CYFIP2: variants seen among roughly 807,000 people sequenced by gnomAD.
CYFIP2 encodes cytoplasmic FMR1-interacting protein 2.
A neutral mutation model predicts 158.7 loss-of-function variants in CYFIP2; 29 were observed. That is an observed-to-expected ratio of 0.18 (90% CI 0.14 to 0.25). The LOEUF is 0.25. Among genes scored for constraint, CYFIP2 ranks in the 10% least tolerant of loss-of-function variants. The probability of loss-of-function intolerance (pLI) is 1.00; values close to 1 mark genes in which losing one functional copy is unlikely to be tolerated. For missense variants in CYFIP2, 852 were observed against 1,639.5 expected (o/e 0.52, Z 8.29); for synonymous variants, 585 against 617.6 (o/e 0.95, Z 0.78).
chr5:157,317,196 A>G (rs1057509083), intron 13 of CYFIP2, among the ~76,000 whole-genome samples: 3 of 152,180 alleles, frequency 2.0e-5, no homozygotes, highest in Non-Finnish European at 4.4e-5. Context: ...ACCACCAAGA[A>G]CATGTCACTC....
At position 157,314,402 on chromosome 5, in the gene CYFIP2, T is replaced by A; in HGVS notation, c.1169T>A (p.Phe390Tyr). Reference sequence around the variant, plus strand: ...TCAGACGAGGAGTATCGCGAGCTCTTCGACCTAGCCCTGCGGGGTCTGCAG... The same window carrying A: ...TCAGACGAGGAGTATCGCGAGCTCTACGACCTAGCCCTGCGGGGTCTGCAG... The part of the protein sequence containing the change: ...QKSDEEYREL[F>Y]DLALRGLQLL... Residue 390 changes from phenylalanine (F) to tyrosine (Y), a missense_variant, in exon 12 of 31, where the codon TTC becomes TAC. Transcript: ENST00000620254. 1 of 1,613,928 alleles carries A rather than the reference T, an allele frequency of 6.2e-7. No homozygotes were observed. The highest frequency in any genetic ancestry group is 2.2e-5 in the East Asian group (1 of 44,880).
intron 1 of CYFIP2, among the ~76,000 whole-genome samples, chr5:157,279,182 C>T (rs547475828): frequency 4.3e-4 from 65 of 152,270 alleles, no homozygotes; most frequent in African/African-American, 1.4e-3. Context: ...TCAAAATAAA[C>T]ATTGAGGACA....
intron 21 of CYFIP2, among the ~76,000 whole-genome samples, chr5:157,337,084 G>C (rs1161520160): frequency 2.6e-5 from 4 of 152,164 alleles, no homozygotes; most frequent in Non-Finnish European, 4.4e-5. Flanking sequence ...CAGTGTGCCA[G>C]GGGACTCAGT....
intron 19 of CYFIP2, 129 bp from the exon 20 acceptor site, chr5:157,330,613 C>A: frequency 1.5e-6 from 1 of 660,912 alleles, no homozygotes; most frequent in Non-Finnish European, 2.5e-6. Flanking sequence ...GAGCAGAAAA[C>A]AATTTTACTT....
rs541980546 is a variant in CYFIP2, at chr5:157,377,167, G to C, written c.3040-5423G>C. The stretch of plus-strand genomic sequence containing the variant: ...CCCAATCCTTTCTCCCTTGCAACCA[G>C]AAGGTGAAACTGCAGCTTGGCCATT... On this transcript the variant is annotated intron_variant, in intron 26 of 30. Transcript: ENST00000620254. Among the ~76,000 whole-genome samples the C allele has an allele frequency of 2.4e-4, 36 of 151,818 alleles. No homozygotes were observed. The South Asian group carries it at 5.8e-3, about 25-fold the overall frequency.
chr5:157,330,521 G>A (rs546031511), intron 19 of CYFIP2, among the ~76,000 whole-genome samples: 82 of 152,326 alleles, frequency 5.4e-4, no homozygotes, highest in African/African-American at 1.9e-3. Context: ...CTCAACTTCT[G>A]TGTTGCCCAT....
chr5:157,323,227 C>A (rs527394013), intron 15 of CYFIP2, among the ~76,000 whole-genome samples: 124 of 152,290 alleles, frequency 8.1e-4, no homozygotes, highest in Middle Eastern at 3.4e-3. Flanking sequence ...GTCTAGTAGC[C>A]TCCTGTGTAA....
At chr5:157,300,660 C>T (rs766467992) in intron 5 of CYFIP2, 55 bp from the exon 6 acceptor site, 27 of 1,376,562 alleles carry the variant, frequency 2.0e-5, no homozygotes, top group Non-Finnish European at 2.6e-5. Flanking sequence ...GGAGCCTGGA[C>T]CCTGCCCCCA....
At chr5:157,358,981 T>C (rs1031977043) in intron 23 of CYFIP2, 24 bp from the exon 24 acceptor site, 2 of 1,613,936 alleles carry the variant, frequency 1.2e-6, no homozygotes, top group Non-Finnish European at 1.7e-6. Flanking sequence ...CAGGCACTTA[T>C]TTGCCACTAC....
At position 157,293,786 on chromosome 5, in the gene CYFIP2, G is replaced by A. The variant is rs577181659; in HGVS notation, c.208-997G>A. Among the ~76,000 whole-genome samples the A allele has an allele frequency of 2.0e-5, 3 of 152,272 alleles. No homozygotes were observed. The East Asian group carries it at 5.8e-4, about 29-fold the overall frequency. ...TAATCAATATGAGGCTGGCCACAAA[G>A]GAGACAGTTATTATGCAAATCAGTC... On this transcript the variant is annotated intron_variant, in intron 3 of 30. Coordinates refer to ENST00000620254, the MANE Select transcript of CYFIP2 (RefSeq NM_001037333.3).
At chr5:157,322,975 C>T (rs1760724841) in intron 15 of CYFIP2, 1 of 1,536,004 alleles carries the variant, frequency 6.5e-7, no homozygotes, top group Non-Finnish European at 8.7e-7. Flanking sequence ...TTTGTTTCAC[C>T]CCACTGGTGG....
At chr5:157,342,687 A>G (rs1233062522) in intron 23 of CYFIP2, 6 of 614,716 alleles carry the variant, frequency 9.8e-6, no homozygotes, top group Non-Finnish European at 1.6e-5. Context: ...ACCCTGGGGG[A>G]TACATTTTCC....
At chr5:157,349,286 C>G (rs1762912072) in intron 23 of CYFIP2, among the ~76,000 whole-genome samples, 1 of 152,190 alleles carries the variant, frequency 6.6e-6, no homozygotes, top group Non-Finnish European at 1.5e-5. Flanking sequence ...TCCCACCCTT[C>G]TGAGTCTCCA....
chr5:157,343,614 C>G (rs528021109), intron 23 of CYFIP2: 2 of 1,213,438 alleles, frequency 1.6e-6, no homozygotes, highest in Admixed American at 2.7e-5. Flanking sequence ...TCATAGCCAC[C>G]ATTTATTGCA....
chr5:157,391,612 T>C (rs1236944982), intron 30 of CYFIP2, among the ~76,000 whole-genome samples: 1 of 152,216 alleles, frequency 6.6e-6, no homozygotes, highest in Non-Finnish European at 1.5e-5. Context: ...TGTCCAAACT[T>C]CCATCCTTTT....
chr5:157,298,421 T>C (rs1222390923), intron 5 of CYFIP2, among the ~76,000 whole-genome samples: 1 of 151,922 alleles, frequency 6.6e-6, no homozygotes, highest in East Asian at 1.9e-4. Context: ...AACTTCAGCC[T>C]CCTAGGTTCA....
chr5:157,384,271 A>G (rs1350170713), intron 28 of CYFIP2: 1 of 456,696 alleles, frequency 2.2e-6, no homozygotes, highest in Non-Finnish European at 4.4e-6. Context: ...GGGAGAGCGG[A>G]GAAACAAAAG....
At chr5:157,269,899 T>C (rs746319891) in intron 1 of CYFIP2, among the ~76,000 whole-genome samples, 1 of 152,210 alleles carries the variant, frequency 6.6e-6, no homozygotes, top group Non-Finnish European at 1.5e-5. Context: ...GATATTGGCT[T>C]TCTAGCCATG....
chr5:157,281,321 T>G (rs1756969621), intron 1 of CYFIP2, among the ~76,000 whole-genome samples: 1 of 152,228 alleles, frequency 6.6e-6, no homozygotes, highest in South Asian at 2.1e-4. Flanking sequence ...CTAGATCCAT[T>G]TGTTTGTAGA....
Sources: allele counts gnomAD v4.1 joint callset (sites outside exome capture counted in the v4.1 genomes callset), GRCh38; gene constraint gnomAD v4.1.1; transcripts MANE v1.5; gene names NCBI Gene and HGNC (gene_info 2026-07-23, HGNC 2026-07-21).